ABCB1: variants seen among roughly 807,000 people sequenced by gnomAD.
ABCB1 encodes ATP-dependent translocase ABCB1.
ABCB1 carries 69 observed loss-of-function variants against 142.0 expected under a neutral mutation model. The ratio of observed to expected loss-of-function variants is 0.49; its 90% CI spans 0.40 to 0.59. The LOEUF (loss-of-function observed/expected upper bound fraction) is 0.59, where lower values mean the gene tolerates loss of function less well. Among genes scored for constraint, ABCB1 ranks in the 20% least tolerant of loss-of-function variants. The pLI, the probability that ABCB1 is intolerant of heterozygous loss-of-function variation, is 0.00. For synonymous variants in ABCB1, 532 were observed against 539.2 expected, an observed-to-expected ratio of 0.99 and a Z score of 0.18; for missense variants, 1,326 against 1,554.7, an observed-to-expected ratio of 0.85 and a Z score of 2.47.
intron 19 of ABCB1, among the ~76,000 whole-genome samples, chr7:87,537,661 T>A (rs896532991): frequency 1.3e-5 from 2 of 152,180 alleles, no homozygotes; most frequent in African/African-American, 4.8e-5. Flanking sequence ...ATAGAGAGGT[T>A]GAATAAGCAG....
At chr7:87,690,512 G>C (rs1177179087) in intron 1 of ABCB1, among the ~76,000 whole-genome samples, 1 of 152,042 alleles carries the variant, frequency 6.6e-6, no homozygotes, top group Admixed American at 6.6e-5. Context: ...TTTTAAAGCA[G>C]TATTTTTAAA....
At chr7:87,566,375 T>G (rs936212230) in intron 6 of ABCB1, 134 bp from the exon 7 acceptor site, 5 of 891,536 alleles carry the variant, frequency 5.6e-6, no homozygotes, top group Non-Finnish European at 8.9e-6. Flanking sequence ...TTTAGCAGGG[T>G]AGAAGTTTCT....
chr7:87,651,529 G>C (rs1434102342), intron 1 of ABCB1, among the ~76,000 whole-genome samples: 1 of 151,956 alleles, frequency 6.6e-6, no homozygotes, highest in Non-Finnish European at 1.5e-5. Flanking sequence ...GTATTATATA[G>C]TATAAATCTT....
At chr7:87,594,909 T>G (rs1338088744) in intron 3 of ABCB1, among the ~76,000 whole-genome samples, 2 of 152,204 alleles carry the variant, frequency 1.3e-5, no homozygotes, top group Non-Finnish European at 2.9e-5. Flanking sequence ...GTGTTATGAC[T>G]GAATTATAAA....
At chr7:87,519,914 G>A (rs2117095912) in intron 22 of ABCB1, among the ~76,000 whole-genome samples, 1 of 151,564 alleles carries the variant, frequency 6.6e-6, no homozygotes, top group Middle Eastern at 3.4e-3. Context: ...TGACTTAGGA[G>A]ACCTGACTTG....
At position 87,504,139 on chromosome 7, in the gene ABCB1, A is replaced by G; in HGVS notation, c.*104T>C. 1 of 1,452,598 alleles carries G rather than the reference A, an allele frequency of 6.9e-7. No homozygotes were observed. Among genetic ancestry groups the G allele is most frequent in the South Asian group, 1.2e-5 (1 of 82,434 alleles). The allele number at this position is 1,452,598 out of a possible 1,614,324, so 90.0% of individuals were successfully genotyped here. Reference sequence around the variant, plus strand: ...CTGAACTTGACTGAGGAAATGTTAAACAGATACCTCTTCATAATTCTGTAA... The same window carrying G: ...CTGAACTTGACTGAGGAAATGTTAAGCAGATACCTCTTCATAATTCTGTAA... On this transcript the variant is annotated 3_prime_UTR_variant, in exon 28 of 28. Coordinates refer to ENST00000622132, the MANE Select transcript of ABCB1 (RefSeq NM_001348946.2).
rs2129645359 is a variant in ABCB1 at position 87,541,445 on chromosome 7, T to C, written c.2231A>G (p.Asp744Gly). 2 of 1,606,800 alleles carry C rather than the reference T, an allele frequency of 1.2e-6. No individual in the cohort carries two copies. The highest frequency in any genetic ancestry group is 1.7e-6 in the Non-Finnish European group (2 of 1,173,390). Residue 744 changes from aspartate to glycine, a missense_variant, in exon 18 of 28, where the codon GAT (aspartate) becomes GGT (glycine). By Grantham distance (94) the Asp-to-Gly change is moderately conservative. Transcript: ENST00000622132. ...KIIGVFTRIDDPETKRQNSNL... is the reference protein window; with the variant it reads ...KIIGVFTRIDGPETKRQNSNL... The stretch of plus-strand genomic sequence containing the variant: ...ACTATTCTGTCGTTTTGTTTCAGGA[T>C]CATCAATTCTTGTAAAAACCTGTGA...
At chr7:87,584,540 A>AAG (rs145001075) in intron 4 of ABCB1, among the ~76,000 whole-genome samples, 1 of 151,572 alleles carries the variant, frequency 6.6e-6, no homozygotes, top group East Asian at 1.9e-4. Context: ...CCAATCGAGA[A>AAG]AGAGAGAGAG....
At chr7:87,672,351 G>A (rs1047666510) in intron 1 of ABCB1, among the ~76,000 whole-genome samples, 1 of 152,272 alleles carries the variant, frequency 6.6e-6, no homozygotes, top group East Asian at 1.9e-4. Context: ...GGCTGGAATG[G>A]CTAAGGTGCC....
At chr7:87,512,991 A>T (rs1403621612) in intron 25 of ABCB1, among the ~76,000 whole-genome samples, 1 of 152,220 alleles carries the variant, frequency 6.6e-6, no homozygotes, top group Non-Finnish European at 1.5e-5. Context: ...TGGTTCTGGA[A>T]GTAAGTCAGG....
At chr7:87,590,594 C>A (rs1282448383) in intron 3 of ABCB1, among the ~76,000 whole-genome samples, 1 of 152,146 alleles carries the variant, frequency 6.6e-6, no homozygotes, top group Admixed American at 6.5e-5. Flanking sequence ...GCATTCCAGG[C>A]AGGAAGAGCC....
intron 1 of ABCB1, among the ~76,000 whole-genome samples, chr7:87,677,021 A>G (rs889289883): frequency 6.6e-6 from 1 of 152,146 alleles, no homozygotes; most frequent in Non-Finnish European, 1.5e-5. Context: ...TTCCTACTCT[A>G]TTGGTGGGAA....
chr7:87,530,941 GGAAGGAAGGAAA>G (rs931033551), intron 21 of ABCB1, among the ~76,000 whole-genome samples: 2 of 150,300 alleles, frequency 1.3e-5, no homozygotes, highest in African/African-American at 4.9e-5. Flanking sequence ...AAGGAAAGAA[GGAAGGAAGGAAA>G]GAAGGAAGGA....
upstream of ABCB1, among the ~76,000 whole-genome samples, chr7:87,602,211 T>C (rs577724864): frequency 6.6e-6 from 1 of 152,052 alleles, no homozygotes; most frequent in Admixed American, 6.5e-5. Flanking sequence ...GCCAGGATGG[T>C]CTTGATCTCC....
chr7:87,559,104 C>CT (rs935499939), intron 8 of ABCB1, among the ~76,000 whole-genome samples: 17 of 151,552 alleles, frequency 1.1e-4, no homozygotes, highest in African/African-American at 3.9e-4. Flanking sequence ...GAACTCACAA[C>CT]TTTTTTTTTC....
intron 23 of ABCB1, among the ~76,000 whole-genome samples, chr7:87,517,116 T>C (rs890865069): frequency 1.3e-5 from 2 of 152,120 alleles, no homozygotes; most frequent in Admixed American, 6.6e-5. Flanking sequence ...CAAACACATT[T>C]CCTTATAAGT....
intron 1 of ABCB1, among the ~76,000 whole-genome samples, chr7:87,610,568 G>C (rs371678832): frequency 1.3e-5 from 2 of 151,792 alleles, no homozygotes; most frequent in Non-Finnish European, 2.9e-5. Flanking sequence ...TGTTTTACTC[G>C]AATGCTATGC....
chr7:87,582,503 C>T (rs918720908), intron 4 of ABCB1, among the ~76,000 whole-genome samples: 6 of 152,224 alleles, frequency 3.9e-5, no homozygotes, highest in Non-Finnish European at 7.3e-5. Flanking sequence ...GTGACTGGCA[C>T]ACAGAATGCT....
At chr7:87,569,937 AAT>A (rs2129833463) in intron 5 of ABCB1, among the ~76,000 whole-genome samples, 1 of 152,304 alleles carries the variant, frequency 6.6e-6, no homozygotes, top group East Asian at 1.9e-4. Flanking sequence ...CTTATATATT[AAT>A]ATGATATTCT....
Sources: allele counts gnomAD v4.1 joint callset (sites outside exome capture counted in the v4.1 genomes callset), GRCh38; gene constraint gnomAD v4.1.1; transcripts MANE v1.5; gene names NCBI Gene and HGNC (gene_info 2026-07-23, HGNC 2026-07-21).